MPP7: variants seen among roughly 807,000 people sequenced by gnomAD.
MPP7 encodes MAGUK p55 scaffold protein 7.
In MPP7, 60 loss-of-function variants were observed where a neutral mutation model predicts 76.5. The observed-to-expected ratio is 0.78, with a 90% CI of 0.64 to 0.97. The LOEUF (loss-of-function observed/expected upper bound fraction) is 0.97. MPP7 is among the 50% of genes least tolerant of loss of function. MPP7 has a pLI of 0.00. For synonymous variants in MPP7, 237 were observed against 244.5 expected, an observed-to-expected ratio of 0.97 and a Z score of 0.29; for missense variants, 641 against 694.0, an observed-to-expected ratio of 0.92 and a Z score of 0.86.
At chr10:28,127,581 C>T (rs754630204) in intron 6 of MPP7, among the ~76,000 whole-genome samples, 5 of 152,296 alleles carry the variant, frequency 3.3e-5, no homozygotes, top group Non-Finnish European at 7.4e-5. Context: ...TGCAGGGAAA[C>T]TCCCGTTTTT....
chr10:28,073,684 C>G (rs1852344515), intron 12 of MPP7, among the ~76,000 whole-genome samples: 1 of 151,998 alleles, frequency 6.6e-6, no homozygotes, highest in Admixed American at 6.6e-5. Context: ...GCAAGAGAAT[C>G]GCTTGAATCT....
intron 1 of MPP7, among the ~76,000 whole-genome samples, chr10:28,251,164 A>G (rs1839600973): frequency 6.6e-6 from 1 of 152,206 alleles, no homozygotes; most frequent in Non-Finnish European, 1.5e-5. Context: ...AGAACCATAT[A>G]AGAATACATC....
intron 2 of MPP7, among the ~76,000 whole-genome samples, chr10:28,327,587 T>C (rs1834429451): frequency 6.6e-6 from 1 of 152,208 alleles, no homozygotes; most frequent in South Asian, 2.1e-4. Context: ...AGTTTATTTA[T>C]TTATTTATTT....
intron 1 of MPP7, among the ~76,000 whole-genome samples, chr10:28,246,384 C>T (rs988245158): frequency 6.6e-6 from 1 of 152,064 alleles, no homozygotes; most frequent in Non-Finnish European, 1.5e-5. Context: ...TTAATCCCTT[C>T]CCAAATAAAC....
At chr10:28,202,068 A>G (rs1837789344) in intron 3 of MPP7, 85 bp downstream of exon 3, 3 of 930,822 alleles carry the variant, frequency 3.2e-6, no homozygotes, top group South Asian at 1.5e-5. Context: ...GAGAGCAACA[A>G]TTTGATCTCT....
chr10:28,149,692 A>G (rs1295429549), intron 4 of MPP7, among the ~76,000 whole-genome samples: 3 of 149,628 alleles, frequency 2.0e-5, no homozygotes, highest in South Asian at 4.3e-4. Flanking sequence ...CAGAACACCA[A>G]CAGCTGACAG....
intron 7 of MPP7, among the ~76,000 whole-genome samples, chr10:28,124,466 ATTTTTTT>A (rs5784042): frequency 6.2e-5 from 5 of 80,080 alleles, no homozygotes; most frequent in African/African-American, 1.5e-4. Flanking sequence ...AAGAAACAAG[ATTTTTTT>A]TTTTTTTTTT....
At chr10:28,231,600 C>A (rs1477771578) in intron 2 of MPP7, among the ~76,000 whole-genome samples, 1 of 146,864 alleles carries the variant, frequency 6.8e-6, no homozygotes, top group Non-Finnish European at 1.5e-5. Flanking sequence ...AATAATAATA[C>A]AAATAATTCT....
At chr10:28,307,293 A>G (rs1250490921), upstream of MPP7, among the ~76,000 whole-genome samples, 1 of 152,174 alleles carries the variant, frequency 6.6e-6, no homozygotes, top group Non-Finnish European at 1.5e-5. Context: ...GTTGGCTTCC[A>G]GACACCCAGT....
rs549621404 is a variant in MPP7, at chr10:28,316,435, T to TAAAAAAAAAA, written c.-132+13484_-132+13493dup. The stretch of plus-strand genomic sequence containing the variant: ...GGGCAACAGAGTAAGACTCTGTCTT[T>TAAAAAAAAAA]AAAAAAAAAAAAAAAAAAAAAAAAA... On this transcript the variant is annotated intron_variant, in intron 2 of 11. Coordinates refer to the MPP7 transcript ENST00000441595. Among the ~76,000 whole-genome samples the TAAAAAAAAAA allele has an allele frequency of 5.4e-4, 20 of 37,150 alleles. 1 individual carries two copies. The highest frequency in any genetic ancestry group is 1.3e-3 in the African/African-American group (15 of 11,914). 24.4% of individuals were successfully genotyped at this position (37,150 alleles called of 152,430 possible). A position where few individuals can be genotyped will look rare whatever the true frequency, so the allele number is the denominator to read the frequency against.
intron 2 of MPP7, chr10:28,236,664 A>T (rs1839086429): frequency 6.6e-6 from 1 of 152,118 alleles, no homozygotes; most frequent in Non-Finnish European, 1.5e-5. Flanking sequence ...GAAGGGAAAG[A>T]AGAAGTGGTA....
chr10:28,279,949 T>C lies in MPP7; in HGVS notation c.-132+22912A>G, dbSNP rs572206003. 6.2e-4 allele frequency among the ~76,000 whole-genome samples: 94 copies of C among 152,180 alleles called. 1 individual carries two copies. Among genetic ancestry groups the C allele is most frequent in the African/African-American group, 2.1e-3 (89 of 41,448 alleles). ...CATGAGCCAAGGTAAGAACTTGATG[T>C]GTGAGATGAGGCTATCTGAATGGGG... On this transcript the variant is annotated intron_variant, in intron 1 of 16. Transcript: ENST00000683449.
intron 1 of MPP7, among the ~76,000 whole-genome samples, chr10:28,275,231 CAT>C (rs944582995): frequency 7.2e-5 from 11 of 152,076 alleles, no homozygotes; most frequent in Non-Finnish European, 1.3e-4. Context: ...TGAAAATGAA[CAT>C]GTCTTTCCAC....
At chr10:28,239,427 G>C (rs11006941) in intron 1 of MPP7, among the ~76,000 whole-genome samples, 4 of 151,898 alleles carry the variant, frequency 2.6e-5, no homozygotes, top group African/African-American at 7.3e-5. Context: ...GATTACAGGT[G>C]TGAGTAACCG....
intron 2 of MPP7, among the ~76,000 whole-genome samples, chr10:28,312,007 T>A (rs1426373055): frequency 1.3e-5 from 2 of 152,168 alleles, no homozygotes; most frequent in African/African-American, 4.8e-5. Context: ...TTCCAGCAGG[T>A]TTACGGTCTG....
Position 28,119,916 on chromosome 10 carries a change from T to A in MPP7, c.888-201A>T, listed in dbSNP as rs532624860. On this transcript the variant is annotated intron_variant, in intron 10 of 16. Coordinates refer to ENST00000683449, the MANE Select transcript of MPP7 (RefSeq NM_001318170.2). ...TTCCCTCCCTCCAAAACCACTGGTC[T>A]TTTTTTTTTCCACCTTTCATATCAA... Among the ~76,000 whole-genome samples, 6 of 149,478 alleles carry A rather than the reference T, an allele frequency of 4.0e-5. No homozygotes were observed. In the East Asian group the frequency reaches 1.2e-3, roughly 29 times the overall value.
At position 28,193,030 on chromosome 10, in the gene MPP7, T is replaced by C. The variant is rs117802807; in HGVS notation, c.156+9123A>G. Among the ~76,000 whole-genome samples, 1,405 of 152,248 alleles carry C rather than the reference T, an allele frequency of 9.2e-3. 26 individuals carry two copies. Among genetic ancestry groups the C allele is most frequent in the East Asian group, 0.061 (317 of 5,180 alleles). Reference sequence around the variant, plus strand: ...AGAAAAAGAATGGTCTTTTCAACAATTGATGCTAAAACAATTGGATATTCA... The same window carrying C: ...AGAAAAAGAATGGTCTTTTCAACAACTGATGCTAAAACAATTGGATATTCA... On this transcript the variant is annotated intron_variant, in intron 3 of 16. Transcript: ENST00000683449.
chr10:28,304,232 G>A (rs1841230147), upstream of MPP7, among the ~76,000 whole-genome samples: 1 of 152,130 alleles, frequency 6.6e-6, no homozygotes, highest in Non-Finnish European at 1.5e-5. Flanking sequence ...AAGGCAAGAA[G>A]CATTTCTCAC....
intron 2 of MPP7, among the ~76,000 whole-genome samples, chr10:28,326,947 G>A (rs1166033173): frequency 6.6e-6 from 1 of 152,292 alleles, no homozygotes; most frequent in East Asian, 1.9e-4. Flanking sequence ...CTAAGCCCAG[G>A]ACTCAGCCAT....
Sources: allele counts gnomAD v4.1 joint callset (sites outside exome capture counted in the v4.1 genomes callset), GRCh38; gene constraint gnomAD v4.1.1; transcripts MANE v1.5; gene names NCBI Gene and HGNC (gene_info 2026-07-23, HGNC 2026-07-21).